NRXN1: variants seen among roughly 807,000 people sequenced by gnomAD.
The protein encoded by NRXN1 is neurexin 1, also known as neurexin-1.
A neutral mutation model predicts 150.9 loss-of-function variants in NRXN1; 39 were observed. The ratio of observed to expected loss-of-function variants is 0.26; its 90% CI spans 0.20 to 0.34. The LOEUF (loss-of-function observed/expected upper bound fraction) is 0.34, where lower values mean the gene tolerates loss of function less well. Among genes scored for constraint, NRXN1 ranks in the 10% least tolerant of loss-of-function variants. NRXN1 has a pLI of 1.00. For missense variants in NRXN1, 1,815 were observed against 1,949.9 expected (o/e 0.93, Z 1.30); for synonymous variants, 924 against 757.0 (o/e 1.22, Z -3.62).
At chr2:50,962,918 T>C (rs1194134071) in intron 2 of NRXN1, among the ~76,000 whole-genome samples, 1 of 151,504 alleles carries the variant, frequency 6.6e-6, no homozygotes, top group African/African-American at 2.4e-5. Flanking sequence ...TTCTGAAAAA[T>C]ACAGCCAAGA....
intron 21 of NRXN1, among the ~76,000 whole-genome samples, chr2:49,965,880 G>C (rs1229849105): frequency 6.6e-6 from 1 of 152,176 alleles, no homozygotes; most frequent in African/African-American, 2.4e-5. Context: ...TTAGTCCAGA[G>C]TATGCAGCAT....
chr2:50,935,433 T>C lies in NRXN1; in HGVS notation c.773-9478A>G, dbSNP rs550349997. On this transcript the variant is annotated intron_variant, in intron 2 of 22. Transcript: ENST00000401669. ...GCAAATAAAAACTGAGTAGGGAGAA[T>C]AGAAAAATAATCCTTAGGCTGGGCG... Among the ~76,000 whole-genome samples the C allele has an allele frequency of 9.2e-5, 14 of 152,134 alleles. No individual in the cohort carries two copies. In the East Asian group the frequency reaches 2.5e-3, roughly 27 times the overall value.
chr2:50,383,971 G>A (rs1200334063), intron 17 of NRXN1, among the ~76,000 whole-genome samples: 1 of 152,118 alleles, frequency 6.6e-6, no homozygotes, highest in Non-Finnish European at 1.5e-5. Context: ...TGTTGAACTT[G>A]CCTAGATGCC....
intron 2 of NRXN1, among the ~76,000 whole-genome samples, chr2:51,018,414 T>C (rs1038758365): frequency 5.9e-5 from 9 of 152,084 alleles, no homozygotes; most frequent in African/African-American, 1.9e-4. Context: ...GTCAGCACTT[T>C]GGCTTGCCAG....
chr2:50,737,780 T>C (rs370691752), intron 5 of NRXN1, among the ~76,000 whole-genome samples: 1 of 152,272 alleles, frequency 6.6e-6, no homozygotes, highest in East Asian at 1.9e-4. Flanking sequence ...ATGAAAATCG[T>C]TTATGAATAT....
At chr2:50,820,896 G>C (rs1045485729) in intron 5 of NRXN1, among the ~76,000 whole-genome samples, 1 of 152,160 alleles carries the variant, frequency 6.6e-6, no homozygotes, top group Non-Finnish European at 1.5e-5. Context: ...AGATTATGGA[G>C]AGGATAGGGA....
chr2:50,862,027 C>A (rs1455020153), intron 5 of NRXN1, among the ~76,000 whole-genome samples: 1 of 151,748 alleles, frequency 6.6e-6, no homozygotes, highest in Non-Finnish European at 1.5e-5. Flanking sequence ...CATGGTGAAA[C>A]CCTGTCTCCA....
chr2:51,030,578 G>A (rs1041141798), intron 1 of NRXN1, among the ~76,000 whole-genome samples: 2 of 144,836 alleles, frequency 1.4e-5, no homozygotes, highest in African/African-American at 2.6e-5. Flanking sequence ...ACACAGTGTG[G>A]GTGTGCGCAC....
At chr2:50,453,940 C>T (rs111587423) in intron 17 of NRXN1, among the ~76,000 whole-genome samples, 80 of 152,202 alleles carry the variant, frequency 5.3e-4, no homozygotes, top group African/African-American at 1.8e-3. Context: ...TGATGATTCC[C>T]GTAGTATCAG....
chr2:50,067,376 T>G (rs561345870), intron 19 of NRXN1, among the ~76,000 whole-genome samples: 36 of 152,340 alleles, frequency 2.4e-4, no homozygotes, highest in African/African-American at 8.2e-4. Context: ...TTTCATCAGA[T>G]TAATTTGAAA....
chr2:50,171,047 A>C (rs1237310685), intron 18 of NRXN1, among the ~76,000 whole-genome samples: 2 of 152,210 alleles, frequency 1.3e-5, no homozygotes, highest in Non-Finnish European at 2.9e-5. Context: ...CATAAAGAAA[A>C]TACATTGACT....
intron 17 of NRXN1, among the ~76,000 whole-genome samples, chr2:50,390,782 G>A (rs1327386565): frequency 6.6e-6 from 1 of 152,020 alleles, no homozygotes; most frequent in African/African-American, 2.4e-5. Flanking sequence ...ACCATGGGAT[G>A]ATGCTGCAAG....
chr2:50,717,672 CACAA>C (rs1156847129), intron 5 of NRXN1, among the ~76,000 whole-genome samples: 2 of 152,058 alleles, frequency 1.3e-5, no homozygotes, highest in Admixed American at 6.6e-5. Flanking sequence ...TGACTTAAAC[CACAA>C]ACATTTACTT....
chr2:50,443,700 G>A (rs1572991629), intron 17 of NRXN1, among the ~76,000 whole-genome samples: 2 of 152,266 alleles, frequency 1.3e-5, no homozygotes, highest in East Asian at 3.9e-4. Flanking sequence ...CCATGCCACT[G>A]TTTGGTTCAT....
At chr2:50,096,794 A>G (rs1700287863) in intron 18 of NRXN1, among the ~76,000 whole-genome samples, 1 of 152,238 alleles carries the variant, frequency 6.6e-6, no homozygotes, top group South Asian at 2.1e-4. Context: ...AAAGGGAAAC[A>G]TCATGAAATA....
intron 5 of NRXN1, among the ~76,000 whole-genome samples, chr2:50,706,508 T>C (rs1222086807): frequency 6.6e-6 from 1 of 152,034 alleles, no homozygotes; most frequent in Non-Finnish European, 1.5e-5. Flanking sequence ...TCTCTAATTC[T>C]CCAACTGGTA....
At chr2:50,540,553 T>C (rs1042734409) in intron 9 of NRXN1, among the ~76,000 whole-genome samples, 1 of 152,164 alleles carries the variant, frequency 6.6e-6, no homozygotes, top group Admixed American at 6.5e-5. Flanking sequence ...AAAGTTAGAA[T>C]ATGATGAGAA....
chr2:50,219,953 A>G (rs1342774159), intron 18 of NRXN1, among the ~76,000 whole-genome samples: 1 of 62,454 alleles, frequency 1.6e-5, no homozygotes, highest in Non-Finnish European at 2.7e-5. Flanking sequence ...TTATATATAT[A>G]ATATATATAT....
intron 5 of NRXN1, among the ~76,000 whole-genome samples, chr2:50,711,860 A>G (rs1363664025): frequency 1.3e-5 from 2 of 152,198 alleles, no homozygotes; most frequent in South Asian, 4.2e-4. Context: ...TGTTGAGTAC[A>G]TAACATTCAT....
Sources: gnomAD v4.1 joint callset for allele counts (sites outside exome capture counted in the v4.1 genomes callset) on GRCh38, gnomAD v4.1.1 for gene constraint, MANE v1.5 for transcripts, NCBI Gene and HGNC (gene_info 2026-07-23, HGNC 2026-07-21) for gene names.